The following SCN3A variants were observed in gnomAD, a reference collection of about 807,000 sequenced individuals.
The protein encoded by SCN3A is sodium channel protein type 3 subunit alpha.
SCN3A carries 60 observed loss-of-function variants against 187.6 expected under a neutral mutation model. The ratio of observed to expected loss-of-function variants is 0.32; its 90% CI spans 0.26 to 0.40. SCN3A has a LOEUF of 0.40. SCN3A is among the 10% of genes least tolerant of loss of function. The pLI, the probability that SCN3A is intolerant of heterozygous loss-of-function variation, is 1.00. For synonymous variants in SCN3A, 788 were observed against 829.2 expected (o/e 0.95, Z 0.85); for missense variants, 1,601 against 2,428.2 (o/e 0.66, Z 7.16).
chr2:165,203,385 C>T (rs559544633), intron 1 of SCN3A, among the ~76,000 whole-genome samples: 1 of 151,974 alleles, frequency 6.6e-6, no homozygotes, highest in African/African-American at 2.4e-5. Context: ...ATATGCATGG[C>T]CTCTCTAAAG....
In SCN3A at chr2:165,090,299, T is replaced by G; in HGVS notation, c.5854A>C (p.Asn1952His). 1 of 1,613,462 alleles carries G rather than the reference T, an allele frequency of 6.2e-7. No homozygotes were observed. Among genetic ancestry groups the G allele is most frequent in the Non-Finnish European group, 8.5e-7 (1 of 1,179,626 alleles). The change falls in exon 28 of 28, where the codon AAC becomes CAC. Residue 1952 changes from asparagine (N) to histidine (H), a missense_variant. By Grantham distance (68) the Asn-to-His change is moderately conservative. Transcript: ENST00000283254. The surrounding 1 kb of genome is among the most constrained non-coding windows in gnomAD (Gnocchi z 4.0). ...CCATCTGTTTTTTCTGGAGTGGAGT[T>G]CCCATTTAGTTTGTCAATAATCATG... ...QDMIIDKLNGNSTPEKTDGSS... is the reference protein window; with the variant it reads ...QDMIIDKLNGHSTPEKTDGSS...
In SCN3A at chr2:165,143,858, G is replaced by A. The variant is rs563058237; in HGVS notation, c.1672-2860C>T. Among the ~76,000 whole-genome samples, 154 of 152,298 alleles carry A rather than the reference G, an allele frequency of 1.0e-3. 1 individual carries two copies. Among genetic ancestry groups the A allele is most frequent in the African/African-American group, 3.7e-3 (152 of 41,572 alleles). On this transcript the variant is annotated intron_variant, in intron 12 of 27. Transcript: ENST00000283254. ...TTGGATTCAAAGTGGGTTGGGAAAA[G>A]TCAAGATGGAAAAAGATGCTGGGAA...
rs372945615 is a variant in SCN3A, at chr2:165,138,053, G to T, written c.2217C>A (p.Ile739=). The T allele has an allele frequency of 6.8e-6, 11 of 1,613,472 alleles. No homozygotes were observed. The highest frequency in any genetic ancestry group is 8.5e-6 in the Non-Finnish European group (10 of 1,179,652). ...CWYRFANVFL[I]WDCCDAWLKV... ...TTAACCATGCATCACAGCAGTCCCA[G>T]ATCAAGAACACATTGGCAAATCTAT... The change falls in exon 15 of 28, where the codon ATC becomes ATA. Residue 739 remains isoleucine (I), a synonymous_variant. Coordinates refer to ENST00000283254, the MANE Select transcript of SCN3A (RefSeq NM_006922.4).
At position 165,162,323 on chromosome 2, in the gene SCN3A, T is replaced by C; in HGVS notation, c.1016A>G (p.Asn339Ser). 1.2e-6 allele frequency: 2 copies of C among 1,613,502 alleles called. No homozygotes were observed. Among genetic ancestry groups the C allele is most frequent in the Non-Finnish European group, 1.7e-6 (2 of 1,179,724 alleles). ...DGQKDPLLCG[N>S]GSDAGQCPEG... ...TGTTTCTTACCCTGCATCTGAGCCA[T>C]TTCCACAGAGTAAAGGGTCTTTTTG... The change falls in exon 9 of 28, where the codon AAT becomes AGT. Residue 339 changes from asparagine to serine, a missense_variant. This residue lies in a region of SCN3A where 104 missense variants were observed against 102.7 expected (regional missense o/e 1.01). Coordinates refer to ENST00000283254, the MANE Select transcript of SCN3A (RefSeq NM_006922.4).
chr2:165,187,682 C>T (rs1335447264), intron 1 of SCN3A, among the ~76,000 whole-genome samples: 1 of 152,106 alleles, frequency 6.6e-6, no homozygotes, highest in African/African-American at 2.4e-5. Flanking sequence ...CATATCCTAC[C>T]CTTGTTCAAA....
chr2:165,097,323 G>T lies in SCN3A; in HGVS notation c.4168C>A (p.Gln1390Lys). 6.2e-7 allele frequency: 1 copy of T among 1,614,068 alleles called. No homozygotes were observed. Among genetic ancestry groups the T allele is most frequent in the Non-Finnish European group, 8.5e-7 (1 of 1,179,982 alleles). ...ACTTTCACGTTTTTCCACCGAGCTT[G>T]CTTGCCAAGAGCCTGACAGTCACTC... Reference protein sequence around the residue: ...NLSDCQALGKQARWKNVKVNF... With the variant: ...NLSDCQALGKKARWKNVKVNF... The change falls in exon 23 of 28, where the codon CAA becomes AAA. Residue 1390 changes from glutamine (Q) to lysine (K), a missense_variant. By Grantham distance (53) the Gln-to-Lys change is moderately conservative. Coordinates refer to ENST00000283254, the MANE Select transcript of SCN3A (RefSeq NM_006922.4).
At chr2:165,160,120 C>T (rs1689268315) in intron 9 of SCN3A, among the ~76,000 whole-genome samples, 1 of 119,084 alleles carries the variant, frequency 8.4e-6, no homozygotes. Context: ...CAGAGCTAAA[C>T]TCCGTCTCAA....
chr2:165,124,563 A>C (rs1686878088), intron 18 of SCN3A, among the ~76,000 whole-genome samples: 1 of 152,156 alleles, frequency 6.6e-6, no homozygotes, highest in Admixed American at 6.5e-5. Context: ...GGTAATTATA[A>C]AATCTGCATT....
intron 5 of SCN3A, among the ~76,000 whole-genome samples, chr2:165,166,831 T>C (rs1689788285): frequency 6.6e-6 from 1 of 152,184 alleles, no homozygotes; most frequent in Admixed American, 6.5e-5. Flanking sequence ...TAAGACTGCC[T>C]TCATAATGGG....
Position 165,162,295 on chromosome 2 carries a change from T to C in SCN3A, c.1031+13A>G, listed in dbSNP as rs751720885. The C allele has an allele frequency of 6.2e-7, 1 of 1,607,828 alleles. No individual in the cohort carries two copies. Among genetic ancestry groups the C allele is most frequent in the South Asian group, 1.1e-5 (1 of 90,020 alleles). On this transcript the variant is annotated intron_variant, in intron 9 of 27. Transcript: ENST00000283254. ...AGAGTTCTATATCTTAAAAAATATA[T>C]TATGTTTCTTACCCTGCATCTGAGC...
intron 1 of SCN3A, among the ~76,000 whole-genome samples, chr2:165,187,086 C>T (rs1184966900): frequency 6.6e-6 from 1 of 152,136 alleles, no homozygotes. Context: ...CCTCTTCCCT[C>T]CTTACATCTT....
At chr2:165,164,187 C>G (rs1355429256) in intron 6 of SCN3A, among the ~76,000 whole-genome samples, 1 of 152,134 alleles carries the variant, frequency 6.6e-6, no homozygotes, top group Admixed American at 6.5e-5. Flanking sequence ...GACTATATGA[C>G]ATGAAGATAA....
intron 3 of SCN3A, among the ~76,000 whole-genome samples, chr2:165,175,806 T>C (rs1313743296): frequency 1.3e-5 from 2 of 152,182 alleles, no homozygotes. Context: ...GGTATTATTC[T>C]GTAGTCTACC....
In SCN3A at chr2:165,162,322, A is replaced by G. The variant is rs1689453846; in HGVS notation, c.1017T>C (p.Asn339=). 1.2e-6 allele frequency: 2 copies of G among 1,613,130 alleles called. No individual in the cohort carries two copies. Among genetic ancestry groups the G allele is most frequent in the African/African-American group, 2.7e-5 (2 of 74,742 alleles). The change falls in exon 9 of 28, where the codon AAT becomes AAC. Residue 339 remains asparagine, a synonymous_variant. Transcript: ENST00000283254. ...ATGTTTCTTACCCTGCATCTGAGCCATTTCCACAGAGTAAAGGGTCTTTTT... is the reference window on the plus strand; with the variant it reads ...ATGTTTCTTACCCTGCATCTGAGCCGTTTCCACAGAGTAAAGGGTCTTTTT... ...DGQKDPLLCG[N]GSDAGQCPEG... is the part of the protein sequence containing the mutation.
rs749347860 is a variant in SCN3A, at chr2:165,092,201, T to C, written c.4807+53A>G. ...TCCATGTTAATCAGCTAGAAGGTCC[T>C]GGGGCAACTGTTTCTCTGTAACTAT... is the stretch of plus-strand genomic sequence containing the variant. On this transcript the variant is annotated intron_variant, in intron 27 of 27. Coordinates refer to ENST00000283254, the MANE Select transcript of SCN3A (RefSeq NM_006922.4). The surrounding 1 kb of genome is among the most constrained non-coding windows in gnomAD (Gnocchi z 4.2). 6 of 1,566,196 alleles carry C rather than the reference T, an allele frequency of 3.8e-6. No homozygotes were observed. Among genetic ancestry groups the C allele is most frequent in the Non-Finnish European group, 5.3e-6 (6 of 1,136,814 alleles).
intron 1 of SCN3A, among the ~76,000 whole-genome samples, chr2:165,191,269 G>A (rs1691594401): frequency 6.6e-6 from 1 of 151,904 alleles, no homozygotes; most frequent in African/African-American, 2.4e-5. Flanking sequence ...CAGTCTCCCT[G>A]CTGCCAGCCT....
intron 20 of SCN3A, 120 bp downstream of exon 20, chr2:165,113,696 T>C (rs1162085826): frequency 8.2e-6 from 9 of 1,095,210 alleles, no homozygotes; most frequent in Non-Finnish European, 1.2e-5. Flanking sequence ...GGTGCCAAGC[T>C]CTGCAAGACA....
chr2:165,195,398 C>G (rs1202795833), intron 1 of SCN3A: 1 of 152,252 alleles, frequency 6.6e-6, no homozygotes, highest in South Asian at 2.1e-4. Context: ...ACTCATTCTT[C>G]AAGTGTCACT....
At chr2:165,126,954 A>G (rs1427038276) in intron 18 of SCN3A, among the ~76,000 whole-genome samples, 1 of 152,242 alleles carries the variant, frequency 6.6e-6, no homozygotes, top group African/African-American at 2.4e-5. Context: ...CATAAAAATC[A>G]TAGCAAAACC....
Sources: allele counts gnomAD v4.1 joint callset (sites outside exome capture counted in the v4.1 genomes callset), GRCh38; gene constraint gnomAD v4.1.1; regional missense constraint gnomAD v4.1.1; non-coding constraint Gnocchi (gnomAD v3.1); transcripts MANE v1.5; gene names NCBI Gene and HGNC (gene_info 2026-07-23, HGNC 2026-07-21).